Variants in LARS2 observed in about 807,000 individuals in gnomAD.
The protein encoded by LARS2 is leucyl-tRNA synthetase 2, mitochondrial, also known as leucine--tRNA ligase, mitochondrial.
Under a neutral mutation model 116.6 loss-of-function variants are expected in LARS2, and 81 were observed. The observed-to-expected ratio is 0.69, with a 90% CI of 0.58 to 0.84. The LOEUF (loss-of-function observed/expected upper bound fraction) is 0.84, where lower values mean the gene tolerates loss of function less well. LARS2 is among the 40% of genes least tolerant of loss of function. The pLI, the probability that LARS2 is intolerant of heterozygous loss-of-function variation, is 0.00. For synonymous variants in LARS2, 396 were observed against 407.2 expected (o/e 0.97, Z 0.33); for missense variants, 968 against 1,114.5 (o/e 0.87, Z 1.87).
At chr3:45,394,795 C>A in intron 3 of LARS2, 108 bp downstream of exon 3, 1 of 712,710 alleles carries the variant, frequency 1.4e-6, no homozygotes, top group Non-Finnish European at 2.4e-6. Context: ...TGACCTTGAA[C>A]CAAATTGTTG....
At position 45,541,906 on chromosome 3, in the gene LARS2, G is replaced by T. The variant is rs1285934893; in HGVS notation, c.2482G>T (p.Val828Leu). 6.2e-7 allele frequency: 1 copy of T among 1,614,250 alleles called. No homozygotes were observed. The highest frequency in any genetic ancestry group is 8.5e-7 in the Non-Finnish European group (1 of 1,180,042). ...ASVLLQAWPAVDPEFLQQPEV... is the reference protein window; with the variant it reads ...ASVLLQAWPALDPEFLQQPEV... ...TGTGCTGCTCCAGGCATGGCCTGCT[G>T]TGGACCCGGAGTTCCTGCAGCAGCC... The change falls in exon 21 of 22, where the codon GTG becomes TTG. Residue 828 changes from valine (V) to leucine (L), a missense_variant. Coordinates refer to ENST00000645846, the MANE Select transcript of LARS2 (RefSeq NM_015340.4).
At chr3:45,456,234 T>C (rs1699211369) in intron 7 of LARS2, among the ~76,000 whole-genome samples, 1 of 152,148 alleles carries the variant, frequency 6.6e-6, no homozygotes, top group African/African-American at 2.4e-5. Context: ...TATCAAAATA[T>C]CACACTGTAT....
intron 13 of LARS2, among the ~76,000 whole-genome samples, chr3:45,494,309 G>A (rs1044484225): frequency 5.9e-5 from 9 of 152,044 alleles, no homozygotes; most frequent in African/African-American, 2.2e-4. Context: ...TTGTAAAGCT[G>A]GTATGAACTA....
At position 45,415,847 on chromosome 3, in the gene LARS2, CAAAAA is replaced by C. The variant is rs386396517; in HGVS notation, c.364-1625_364-1621del. Among the ~76,000 whole-genome samples, 10 of 90,464 alleles carry C rather than the reference CAAAAA, an allele frequency of 1.1e-4. 1 individual carries two copies. The East Asian group carries it at 1.4e-3, about 12-fold the overall frequency. 59.3% of individuals were successfully genotyped at this position (90,464 alleles called of 152,430 possible). ...TGGGCAACAGAGCAAGACTCCATCTCAAAAAAAAAAAAAATATATATATATATATA... is the reference window on the plus strand; with the variant it reads ...TGGGCAACAGAGCAAGACTCCATCTCAAAAAAAAATATATATATATATATA... On this transcript the variant is annotated intron_variant, in intron 4 of 21. Transcript: ENST00000645846.
At chr3:45,545,694 G>A (rs1700864848) in intron 21 of LARS2, among the ~76,000 whole-genome samples, 1 of 152,244 alleles carries the variant, frequency 6.6e-6, no homozygotes, top group Non-Finnish European at 1.5e-5. Context: ...AGCCCCAGCT[G>A]TGGACAAGAA....
At chr3:45,442,901 C>T (rs937999800) in intron 6 of LARS2, among the ~76,000 whole-genome samples, 4 of 152,134 alleles carry the variant, frequency 2.6e-5, no homozygotes, top group Admixed American at 6.5e-5. Context: ...ACTCACAGAT[C>T]GGGGTTTCTC....
chr3:45,498,917 G>A (rs1309592061), intron 14 of LARS2, among the ~76,000 whole-genome samples: 4 of 152,248 alleles, frequency 2.6e-5, no homozygotes, highest in Admixed American at 6.5e-5. Context: ...ATGTTGCATC[G>A]CATTCAGTAA....
intron 19 of LARS2, among the ~76,000 whole-genome samples, chr3:45,522,280 A>G (rs1258717937): frequency 6.6e-6 from 1 of 152,228 alleles, no homozygotes; most frequent in African/African-American, 2.4e-5. Flanking sequence ...GATAATTTAT[A>G]ATCACAGAGA....
intron 17 of LARS2, 93 bp downstream of exon 17, chr3:45,516,369 G>A: frequency 1.6e-6 from 2 of 1,249,002 alleles, no homozygotes; most frequent in Non-Finnish European, 2.3e-6. Context: ...GCTGAAGACA[G>A]TGGTAGAGAA....
intron 10 of LARS2, among the ~76,000 whole-genome samples, chr3:45,479,318 G>T (rs1218205545): frequency 6.6e-6 from 1 of 152,142 alleles, no homozygotes; most frequent in African/African-American, 2.4e-5. Context: ...AGCTTTGAGG[G>T]GCCCTGTGGA....
chr3:45,415,872 TATATAGAGAGAGAGAGAGAGGGAGAG>T (rs1698408115), intron 4 of LARS2, among the ~76,000 whole-genome samples: 2 of 111,342 alleles, frequency 1.8e-5, no homozygotes, highest in African/African-American at 1.5e-4. Flanking sequence ...TATATATATA[TATATAGAGAGAGAGAGAGAGGGAGAG>T]AGAGAGAGAG....
chr3:45,417,656 G>A, intron 5 of LARS2, 83 bp downstream of exon 5: 1 of 861,962 alleles, frequency 1.2e-6, no homozygotes, highest in East Asian at 2.6e-5. Flanking sequence ...AAAATAGAAA[G>A]CAAAGCAAAC....
rs150194483 is a variant in LARS2 at position 45,472,650 on chromosome 3, T to C, written c.751-1593T>C. ...GCTGAAGCCATCTGAAATACAGATA[T>C]GGGAAAGCTGAATTTAAGAACTGTT... is the stretch of plus-strand genomic sequence containing the variant. On this transcript the variant is annotated intron_variant, in intron 8 of 21. Transcript: ENST00000645846. Among the ~76,000 whole-genome samples, 895 of 152,322 alleles carry C rather than the reference T, an allele frequency of 5.9e-3. 11 individuals are homozygous for C. The highest frequency in any genetic ancestry group is 0.021 in the African/African-American group (862 of 41,570).
At chr3:45,495,884 A>T (rs1224180466) in intron 13 of LARS2, among the ~76,000 whole-genome samples, 1 of 151,368 alleles carries the variant, frequency 6.6e-6, no homozygotes, top group Non-Finnish European at 1.5e-5. Context: ...TTTTTGAGAC[A>T]GAGTCTTGCT....
At chr3:45,415,431 A>G (rs984960046) in intron 4 of LARS2, among the ~76,000 whole-genome samples, 2 of 152,196 alleles carry the variant, frequency 1.3e-5, no homozygotes, top group African/African-American at 4.8e-5. Context: ...CAGTGATCCA[A>G]TGAGGTAGTT....
At chr3:45,411,069 A>G (rs1323728971) in intron 4 of LARS2, among the ~76,000 whole-genome samples, 2 of 152,248 alleles carry the variant, frequency 1.3e-5, no homozygotes, top group Non-Finnish European at 2.9e-5. Flanking sequence ...TAGAAAAGAC[A>G]TGTATGCACT....
intron 8 of LARS2, among the ~76,000 whole-genome samples, chr3:45,468,724 C>T (rs1318201933): frequency 6.6e-6 from 1 of 152,190 alleles, no homozygotes; most frequent in Non-Finnish European, 1.5e-5. Context: ...ATAAGTGTAA[C>T]CTGAGTGGAT....
chr3:45,493,195 G>A (rs767879514), intron 13 of LARS2, among the ~76,000 whole-genome samples: 5 of 151,990 alleles, frequency 3.3e-5, no homozygotes, highest in South Asian at 2.1e-4. Flanking sequence ...CACCTCCCGC[G>A]TTCACACCAT....
chr3:45,424,978 A>G (rs1325706419), intron 6 of LARS2, among the ~76,000 whole-genome samples: 3 of 152,278 alleles, frequency 2.0e-5, no homozygotes, highest in Non-Finnish European at 4.4e-5. Context: ...TGTACAATCA[A>G]TGTGGTCTTG....
Sources: allele counts gnomAD v4.1 joint callset (sites outside exome capture counted in the v4.1 genomes callset), GRCh38; gene constraint gnomAD v4.1.1; transcripts MANE v1.5; gene names NCBI Gene and HGNC (gene_info 2026-07-23, HGNC 2026-07-21).